TMEM132C: variants seen among roughly 807,000 people sequenced by gnomAD.
The protein encoded by TMEM132C is transmembrane protein 132C.
In TMEM132C, 29 loss-of-function variants were observed where a neutral mutation model predicts 61.4. That is an observed-to-expected ratio of 0.47 (90% CI 0.35 to 0.64). The LOEUF (loss-of-function observed/expected upper bound fraction) is 0.64. Ranked by LOEUF, TMEM132C falls within the 30% of genes least tolerant of loss-of-function variation. The probability of loss-of-function intolerance (pLI) is 0.00; values close to 1 mark genes in which losing one functional copy is unlikely to be tolerated. For missense variants in TMEM132C, 1,408 were observed against 1,476.9 expected, an observed-to-expected ratio of 0.95 and a Z score of 0.76; for synonymous variants, 656 against 633.1, an observed-to-expected ratio of 1.04 and a Z score of -0.54.
intron 1 of TMEM132C, among the ~76,000 whole-genome samples, chr12:128,353,712 T>C (rs1179007394): frequency 6.6e-6 from 1 of 152,150 alleles, no homozygotes; most frequent in East Asian, 1.9e-4. Context: ...TGTCTCTGCC[T>C]TGGCTCTGGA....
At chr12:128,403,187 G>A (rs1875228365) in intron 1 of TMEM132C, among the ~76,000 whole-genome samples, 1 of 152,216 alleles carries the variant, frequency 6.6e-6, no homozygotes, top group Non-Finnish European at 1.5e-5. Flanking sequence ...CAGAGAGAGA[G>A]ACATTCTGTG....
rs75775628 is a variant in TMEM132C at position 128,639,686 on chromosome 12, C to T, written c.1305+23351C>T. Among the ~76,000 whole-genome samples, 847 of 152,288 alleles carry T rather than the reference C, an allele frequency of 5.6e-3. 8 individuals carry two copies. Among genetic ancestry groups the T allele is most frequent in the African/African-American group, 0.019 (788 of 41,566 alleles). On this transcript the variant is annotated intron_variant, in intron 4 of 8. Transcript: ENST00000435159. ...CATGGATACCTATGGGAATAGACTG[C>T]GGTCTTCCAGTAGGCTGACCAACCA...
intron 2 of TMEM132C, among the ~76,000 whole-genome samples, chr12:128,429,088 A>G (rs1213771909): frequency 6.6e-6 from 1 of 152,074 alleles, no homozygotes; most frequent in African/African-American, 2.4e-5. Context: ...CTTTGGGAGG[A>G]GGGATGCCAT....
Position 128,543,949 on chromosome 12 carries a change from C to T in TMEM132C, c.975-8C>T, listed in dbSNP as rs1223851698. The T allele has an allele frequency of 6.5e-7, 1 of 1,543,084 alleles. No homozygotes were observed. Among genetic ancestry groups the T allele is most frequent in the South Asian group, 1.2e-5 (1 of 82,338 alleles). On this transcript the variant is annotated splice_region_variant and splice_polypyrimidine_tract_variant and intron_variant, in intron 2 of 8. Coordinates refer to ENST00000435159, the MANE Select transcript of TMEM132C (RefSeq NM_001136103.3). ...GTCTCTCTCTCTCTCCCATCTTCAT[C>T]CCCACAGAGCCAAGGTGAAGAAGGG...
chr12:128,365,816 A>C (rs1254395140), intron 1 of TMEM132C, among the ~76,000 whole-genome samples: 3 of 152,164 alleles, frequency 2.0e-5, no homozygotes, highest in African/African-American at 7.2e-5. Flanking sequence ...GAAAACTCCC[A>C]GCCCCCTTTG....
intron 4 of TMEM132C, among the ~76,000 whole-genome samples, chr12:128,642,302 T>G (rs1954163803): frequency 6.6e-6 from 1 of 152,016 alleles, no homozygotes; most frequent in South Asian, 2.1e-4. Flanking sequence ...TGGCTAATTT[T>G]TTGTATTTTA....
chr12:128,585,587 T>C (rs1485021783), intron 3 of TMEM132C, among the ~76,000 whole-genome samples: 1 of 152,248 alleles, frequency 6.6e-6, no homozygotes, highest in Non-Finnish European at 1.5e-5. Context: ...GGGACTTCCC[T>C]TAACTGAAAT....
At chr12:128,513,182 G>T (rs1050683863) in intron 2 of TMEM132C, among the ~76,000 whole-genome samples, 1 of 152,062 alleles carries the variant, frequency 6.6e-6, no homozygotes, top group Non-Finnish European at 1.5e-5. Flanking sequence ...CTTGAAGGAA[G>T]GGAGGGAGCC....
At chr12:128,647,722 ATG>A (rs1954220708) in intron 4 of TMEM132C, among the ~76,000 whole-genome samples, 1 of 150,760 alleles carries the variant, frequency 6.6e-6, no homozygotes, top group African/African-American at 2.5e-5. Flanking sequence ...TCAGTGTTGG[ATG>A]TGAGTGTGTT....
At chr12:128,552,112 C>A (rs2136156194) in intron 3 of TMEM132C, among the ~76,000 whole-genome samples, 1 of 152,352 alleles carries the variant, frequency 6.6e-6, no homozygotes, top group African/African-American at 2.4e-5. Flanking sequence ...CACCTGCCTG[C>A]CGCTCCACTT....
chr12:128,658,428 C>A (rs1954350923), intron 4 of TMEM132C, among the ~76,000 whole-genome samples: 1 of 152,252 alleles, frequency 6.6e-6, no homozygotes, highest in Non-Finnish European at 1.5e-5. Context: ...GGTGTGCCTT[C>A]CCACTGTCTC....
chr12:128,514,804 G>A (rs1208169558), intron 2 of TMEM132C, among the ~76,000 whole-genome samples: 1 of 152,180 alleles, frequency 6.6e-6, no homozygotes, highest in Non-Finnish European at 1.5e-5. Flanking sequence ...CTTAGGCACT[G>A]GAAACTGGAG....
intron 2 of TMEM132C, among the ~76,000 whole-genome samples, chr12:128,443,162 CAG>C (rs1040749096): frequency 1.1e-4 from 16 of 150,352 alleles, no homozygotes; most frequent in African/African-American, 2.0e-4. Flanking sequence ...GAGAGAGAGA[CAG>C]AGAAGCAAAA....
Position 128,311,973 on chromosome 12 carries a change from C to A in TMEM132C, c.85+44486C>A, listed in dbSNP as rs114258074. Among the ~76,000 whole-genome samples the A allele has an allele frequency of 4.6e-3, 700 of 152,274 alleles. 4 individuals carry two copies. The highest frequency in any genetic ancestry group is 0.016 in the African/African-American group (674 of 41,544). On this transcript the variant is annotated intron_variant, in intron 1 of 8. Transcript: ENST00000435159. ...TTGGGTTCATCAGGATGCTGAGTGG[C>A]GACAGAAACCCAACTTCCAGCTGTG...
intron 2 of TMEM132C, among the ~76,000 whole-genome samples, chr12:128,534,685 C>G (rs921999503): frequency 6.6e-6 from 1 of 152,206 alleles, no homozygotes; most frequent in Non-Finnish European, 1.5e-5. Context: ...ACTCTGGTTG[C>G]AAAACTTCTG....
intron 2 of TMEM132C, among the ~76,000 whole-genome samples, chr12:128,492,422 C>T (rs1258552136): frequency 6.6e-6 from 1 of 152,194 alleles, no homozygotes; most frequent in Non-Finnish European, 1.5e-5. Flanking sequence ...TGAGGAATCG[C>T]CACACTGTCT....
intron 1 of TMEM132C, among the ~76,000 whole-genome samples, chr12:128,309,897 G>C (rs1383261942): frequency 6.6e-6 from 1 of 151,870 alleles, no homozygotes; most frequent in East Asian, 1.9e-4. Context: ...CACCATGCCT[G>C]GCTAATTTTT....
chr12:128,324,024 A>G (rs1872426040), intron 1 of TMEM132C, among the ~76,000 whole-genome samples: 1 of 152,190 alleles, frequency 6.6e-6, no homozygotes, highest in African/African-American at 2.4e-5. Flanking sequence ...AAAGGGACAG[A>G]TCTCAGTAAA....
At chr12:128,508,510 C>T (rs2136115930) in intron 2 of TMEM132C, among the ~76,000 whole-genome samples, 1 of 152,294 alleles carries the variant, frequency 6.6e-6, no homozygotes, top group East Asian at 1.9e-4. Context: ...GTCCTGCTGC[C>T]TGGGCTCAGT....
Sources: gnomAD v4.1 joint callset for allele counts (sites outside exome capture counted in the v4.1 genomes callset) on GRCh38, gnomAD v4.1.1 for gene constraint, MANE v1.5 for transcripts, NCBI Gene and HGNC (gene_info 2026-07-23, HGNC 2026-07-21) for gene names.